The following NPTN variants were observed in gnomAD, a reference collection of about 807,000 sequenced individuals.
NPTN encodes the protein neuroplastin, also known as SDR-1.
In NPTN, 5 loss-of-function variants were observed where a neutral mutation model predicts 42.7. The ratio of observed to expected loss-of-function variants is 0.12; its 90% CI spans 0.06 to 0.25. The LOEUF (loss-of-function observed/expected upper bound fraction) is 0.25, where lower values mean the gene tolerates loss of function less well. Among genes scored for constraint, NPTN ranks in the 10% least tolerant of loss-of-function variants. NPTN has a pLI of 1.00. For synonymous variants in NPTN, 180 were observed against 201.9 expected (o/e 0.89, Z 0.92); for missense variants, 307 against 525.4 (o/e 0.58, Z 4.06).
intron 1 of NPTN, among the ~76,000 whole-genome samples, chr15:73,632,229 A>C (rs2141490142): frequency 6.6e-6 from 1 of 150,982 alleles, no homozygotes; most frequent in East Asian, 2.0e-4. Flanking sequence ...GACTTCCTGC[A>C]TTTTACTCCC....
intron 6 of NPTN, among the ~76,000 whole-genome samples, chr15:73,565,419 C>G (rs1215185801): frequency 2.0e-5 from 3 of 152,124 alleles, no homozygotes; most frequent in Non-Finnish European, 4.4e-5. Flanking sequence ...AAACTGAAAT[C>G]CAAATTAGTT....
intron 1 of NPTN, among the ~76,000 whole-genome samples, chr15:73,611,792 T>C (rs913108369): frequency 2.0e-5 from 3 of 152,076 alleles, no homozygotes; most frequent in South Asian, 2.1e-4. Flanking sequence ...TCATCAACTG[T>C]AACAAATGTA....
chr15:73,620,429 G>A (rs1898078432), intron 1 of NPTN, among the ~76,000 whole-genome samples: 1 of 152,134 alleles, frequency 6.6e-6, no homozygotes, highest in African/African-American at 2.4e-5. Flanking sequence ...CTTTTATAGG[G>A]CATTTTGGAA....
intron 6 of NPTN, among the ~76,000 whole-genome samples, chr15:73,566,364 C>T (rs1344405217): frequency 2.0e-5 from 3 of 152,146 alleles, no homozygotes; most frequent in Non-Finnish European, 4.4e-5. Flanking sequence ...AAAATGGCCC[C>T]CCAAAAAACC....
chr15:73,624,532 A>C (rs1898300074), intron 1 of NPTN, among the ~76,000 whole-genome samples: 1 of 152,230 alleles, frequency 6.6e-6, no homozygotes, highest in South Asian at 2.1e-4. Context: ...TGAATTTAGA[A>C]GTTTTTCACA....
chr15:73,578,061 A>G (rs993064225), intron 4 of NPTN, among the ~76,000 whole-genome samples: 2 of 152,184 alleles, frequency 1.3e-5, no homozygotes, highest in Non-Finnish European at 2.9e-5. Flanking sequence ...TGTGCTTGTT[A>G]TGTACAAGGA....
Position 73,597,263 on chromosome 15 carries a change from G to A in NPTN, c.198C>T (p.Tyr66=), listed in dbSNP as rs199880710. 5.0e-6 allele frequency: 8 copies of A among 1,614,104 alleles called. No individual in the cohort carries two copies. The highest frequency in any genetic ancestry group is 5.1e-6 in the Non-Finnish European group (6 of 1,180,012). The change falls in exon 2 of 9, where the codon TAC becomes TAT. Residue 66 remains tyrosine, a synonymous_variant. Transcript: ENST00000345330. This position sits in a 1 kb window ranked among gnomAD's most constrained non-coding sequence, Gnocchi z 6.3. ...GSPTPEIQWW[Y]AEVNRAESFR... is the part of the protein sequence containing the mutation. Reference sequence around the variant, plus strand: ...AAGACTCTGCCCGGTTGACTTCTGCGTACCACCACTGGATCTCTGGCGTGG... The same window carrying A: ...AAGACTCTGCCCGGTTGACTTCTGCATACCACCACTGGATCTCTGGCGTGG...
At chr15:73,565,737 CT>C in intron 6 of NPTN, 1 of 456,452 alleles carries the variant, frequency 2.2e-6, no homozygotes, top group South Asian at 1.5e-5. Context: ...AAACAAGATG[CT>C]TCTGGAATCC....
In NPTN at chr15:73,597,559, C is replaced by A; in HGVS notation, c.92-190G>T. On this transcript the variant is annotated intron_variant, in intron 1 of 8. Coordinates refer to ENST00000345330, the MANE Select transcript of NPTN (RefSeq NM_012428.4). This position sits in a 1 kb window ranked among gnomAD's most constrained non-coding sequence, Gnocchi z 6.3. ...TCATACAAGCTTTTAGAAGAAGAACCACACCCTGGGAAGCTTATGAAGCAA... is the reference window on the plus strand; with the variant it reads ...TCATACAAGCTTTTAGAAGAAGAACAACACCCTGGGAAGCTTATGAAGCAA... Among the ~76,000 whole-genome samples, 1 of 152,074 alleles carries A rather than the reference C, an allele frequency of 6.6e-6. No individual in the cohort carries two copies. The highest frequency in any genetic ancestry group is 1.9e-4 in the East Asian group (1 of 5,198).
rs79511698 is a variant in NPTN, at chr15:73,584,290, T to G, written c.706+3234A>C. Among the ~76,000 whole-genome samples, 33 of 152,278 alleles carry G rather than the reference T, an allele frequency of 2.2e-4. No individual in the cohort carries two copies. The East Asian group carries it at 6.4e-3, about 29-fold the overall frequency. ...TCTTTCTTGTACTAATCAAAATGGT[T>G]AAGGGATAAGGATACTGCTTGGGAG... On this transcript the variant is annotated intron_variant, in intron 4 of 8. Coordinates refer to ENST00000345330, the MANE Select transcript of NPTN (RefSeq NM_012428.4).
At position 73,597,502 on chromosome 15, in the gene NPTN, AT is replaced by A. The variant is rs1331901457; in HGVS notation, c.92-134del. The A allele has an allele frequency of 2.2e-5, 15 of 690,352 alleles. No homozygotes were observed. In the Admixed American group the frequency reaches 3.2e-4, roughly 15 times the overall value. The allele number at this position is 690,352 out of a possible 1,614,324, so 42.8% of individuals were successfully genotyped here. A position where few individuals can be genotyped will look rare whatever the true frequency, so the allele number is the denominator to read the frequency against. ...AGTTGCAAAGAACAAAAAAGGATTC[AT>A]TTTTAAACTATAAAGAGACAGTACA... On this transcript the variant is annotated intron_variant, in intron 1 of 8. Transcript: ENST00000345330. The surrounding 1 kb of genome is among the most constrained non-coding windows in gnomAD (Gnocchi z 6.3).
intron 7 of NPTN, among the ~76,000 whole-genome samples, 167 bp from the exon 8 acceptor site, chr15:73,562,137 G>A (rs1566954224): frequency 6.6e-6 from 1 of 152,152 alleles, no homozygotes; most frequent in Non-Finnish European, 1.5e-5. Flanking sequence ...GTAGCTACAG[G>A]TTAAGTATCC....
chr15:73,595,498 A>G (rs1896792766), intron 2 of NPTN, among the ~76,000 whole-genome samples: 1 of 152,126 alleles, frequency 6.6e-6, no homozygotes, highest in African/African-American at 2.4e-5. Flanking sequence ...TACCCATAGG[A>G]TCTTCAAGTG....
In NPTN at chr15:73,561,934, G is replaced by A; in HGVS notation, c.1173C>T (p.Asn391=). Residue 391 remains asparagine (N), a synonymous_variant, in exon 8 of 9, where the codon AAC becomes AAT. Transcript: ENST00000345330. ...CTTAATTTGTGTTTCTCTGGCGCAA[G>A]TTTTTATCTTTGTGATTGTTGGTAG... ...TNSTNNHKDK[N]LRQRNTN is the part of the protein sequence containing the mutation. 6.3e-7 allele frequency: 1 copy of A among 1,596,660 alleles called. No homozygotes were observed. Among genetic ancestry groups the A allele is most frequent in the South Asian group, 1.1e-5 (1 of 87,300 alleles).
rs538041065 is a variant in NPTN, at chr15:73,569,299, C to G, written c.1114+851G>C. On this transcript the variant is annotated intron_variant, in intron 6 of 8. Coordinates refer to ENST00000345330, the MANE Select transcript of NPTN (RefSeq NM_012428.4). The surrounding 1 kb of genome is among the most constrained non-coding windows in gnomAD (Gnocchi z 4.1). ...CAGCTTCCCCCTTCACAGGAAAAAT[C>G]GATCACCAAAAATTTCCCAAGGCTT... 2.7e-4 allele frequency: 268 copies of G among 985,560 alleles called. 2 individuals are homozygous for G. The African/African-American group carries it at 4.4e-3, about 16-fold the overall frequency. The allele number at this position is 985,560 out of a possible 1,614,324, so 61.1% of individuals were successfully genotyped here.
chr15:73,569,312 T>C lies in NPTN; in HGVS notation c.1114+838A>G, dbSNP rs1336715096. 5.1e-6 allele frequency: 5 copies of C among 985,414 alleles called. No homozygotes were observed. The highest frequency in any genetic ancestry group is 4.8e-6 in the Non-Finnish European group (4 of 830,038). 61.0% of individuals were successfully genotyped at this position (985,414 alleles called of 1,614,324 possible). ...CACAGGAAAAATCGATCACCAAAAA[T>C]TTCCCAAGGCTTTTCTGACTCTAGG... On this transcript the variant is annotated intron_variant, in intron 6 of 8. Transcript: ENST00000345330. This position sits in a 1 kb window ranked among gnomAD's most constrained non-coding sequence, Gnocchi z 4.1.
chr15:73,568,169 C>CTCTAG lies in NPTN; in HGVS notation c.1114+1980_1114+1981insCTAGA, dbSNP rs567739564. The CTCTAG allele has an allele frequency of 1.2e-4, 114 of 985,420 alleles. 1 individual carries two copies. In the African/African-American group the frequency reaches 1.9e-3, roughly 16 times the overall value. 61.0% of individuals were successfully genotyped at this position (985,420 alleles called of 1,614,324 possible). ...ACTTATCCAACAGAACAATCCTAAC[C>CTCTAG]ATTTCTCAAATCTAACCTACCACAT... On this transcript the variant is annotated intron_variant, in intron 6 of 8. Coordinates refer to ENST00000345330, the MANE Select transcript of NPTN (RefSeq NM_012428.4).
chr15:73,593,978 G>A (rs1215338661), intron 2 of NPTN, among the ~76,000 whole-genome samples: 2 of 152,066 alleles, frequency 1.3e-5, no homozygotes, highest in Admixed American at 1.3e-4. Context: ...TGCAAACCCT[G>A]CAATGGAAGG....
intron 1 of NPTN, among the ~76,000 whole-genome samples, chr15:73,604,566 T>C (rs1316846638): frequency 6.6e-6 from 1 of 152,186 alleles, no homozygotes; most frequent in Non-Finnish European, 1.5e-5. Flanking sequence ...GTACTACTGT[T>C]AGATGAGTGA....
Sources: allele counts gnomAD v4.1 joint callset (sites outside exome capture counted in the v4.1 genomes callset), GRCh38; gene constraint gnomAD v4.1.1; non-coding constraint Gnocchi (gnomAD v3.1); transcripts MANE v1.5; gene names NCBI Gene and HGNC (gene_info 2026-07-23, HGNC 2026-07-21).